The following ANAPC10 variants were observed in gnomAD, a reference collection of about 807,000 sequenced individuals.
ANAPC10 encodes the protein anaphase promoting complex subunit 10, also known as anaphase-promoting complex subunit 10.
ANAPC10 carries 12 observed loss-of-function variants against 22.0 expected under a neutral mutation model. The observed-to-expected ratio is 0.55, with a 90% CI of 0.35 to 0.88. The LOEUF (loss-of-function observed/expected upper bound fraction) is 0.88, where lower values mean the gene tolerates loss of function less well. Among genes scored for constraint, ANAPC10 ranks in the 40% least tolerant of loss-of-function variants. The pLI is 0.01. For missense variants in ANAPC10, 188 were observed against 220.9 expected (o/e 0.85, Z 0.94); for synonymous variants, 65 against 69.5 (o/e 0.94, Z 0.32).
chr4:145,090,425 T>G (rs1158338856), intron 2 of ANAPC10, among the ~76,000 whole-genome samples: 1 of 152,232 alleles, frequency 6.6e-6, no homozygotes, highest in African/African-American at 2.4e-5. Flanking sequence ...TTTTATGTCC[T>G]TAGTGAAATC....
chr4:145,096,115 T>C lies in ANAPC10; in HGVS notation c.-12-4A>G. The C allele has an allele frequency of 5.0e-6, 8 of 1,611,714 alleles. No homozygotes were observed. Among genetic ancestry groups the C allele is most frequent in the Non-Finnish European group, 6.8e-6 (8 of 1,179,448 alleles). On this transcript the variant is annotated splice_region_variant and splice_polypyrimidine_tract_variant and intron_variant, in intron 1 of 4. Transcript: ENST00000507656. ...GTGTAGTCATTTTTAAAATATTCTA[T>C]GTAGAAAACAAGAATGCACACATTG...
At chr4:145,031,412 A>G (rs1737561910) in intron 4 of ANAPC10, among the ~76,000 whole-genome samples, 1 of 152,166 alleles carries the variant, frequency 6.6e-6, no homozygotes, top group African/African-American at 2.4e-5. Flanking sequence ...TCTTGTTAAG[A>G]TATTCCTTCT....
At chr4:145,039,640 G>A (rs532937734) in intron 4 of ANAPC10, among the ~76,000 whole-genome samples, 31 of 152,042 alleles carry the variant, frequency 2.0e-4, no homozygotes, top group African/African-American at 7.0e-4. Flanking sequence ...CTGTCGCCTG[G>A]CTGGAGTGCA....
intron 4 of ANAPC10, among the ~76,000 whole-genome samples, chr4:145,055,298 C>T (rs1741884390): frequency 6.6e-6 from 1 of 152,172 alleles, no homozygotes; most frequent in African/African-American, 2.4e-5. Flanking sequence ...TAGCTCAGGC[C>T]TGTAATCCCA....
chr4:145,038,646 C>A (rs1311769106), intron 4 of ANAPC10, among the ~76,000 whole-genome samples: 1 of 151,768 alleles, frequency 6.6e-6, no homozygotes, highest in Non-Finnish European at 1.5e-5. Flanking sequence ...CATGATGCAA[C>A]CCTGTCTCTA....
intron 2 of ANAPC10, among the ~76,000 whole-genome samples, chr4:145,092,890 C>A (rs1043164457): frequency 2.0e-5 from 3 of 152,150 alleles, no homozygotes; most frequent in Non-Finnish European, 2.9e-5. Context: ...CTCTCTATAC[C>A]TGAGAGAGGG....
rs1417060205 is a variant in ANAPC10, at chr4:144,995,420, G to A, written c.511C>T (p.Pro171Ser). The change falls in exon 5 of 5, where the codon CCT becomes TCT. Residue 171 changes from proline to serine, a missense_variant. Transcript: ENST00000507656. Reference protein sequence around the residue: ...PVEESSIGKFPRCTTIDFMMY... With the variant: ...PVEESSIGKFSRCTTIDFMMY... The stretch of plus-strand genomic sequence containing the variant: ...ATGAAATCTATAGTTGTACATCTAG[G>A]AAATTTACCAATGGAGCTCTCTTCT... 4 of 1,613,324 alleles carry A rather than the reference G, an allele frequency of 2.5e-6. No individual in the cohort carries two copies. The highest frequency in any genetic ancestry group is 3.4e-6 in the Non-Finnish European group (4 of 1,179,656).
rs143866274 is a variant in ANAPC10, at chr4:145,048,742, C to T, written c.327+15830G>A. Among the ~76,000 whole-genome samples the T allele has an allele frequency of 4.1e-3, 616 of 150,180 alleles. 8 individuals are homozygous for T. The highest frequency in any genetic ancestry group is 0.014 in the African/African-American group (570 of 40,764). On this transcript the variant is annotated intron_variant, in intron 4 of 4. Transcript: ENST00000507656. Reference sequence around the variant, plus strand: ...AACATGTATGTTTTTCAAGCAGCCCCAATTTAAAAAAAAAAAGGAAATTCA... The same window carrying T: ...AACATGTATGTTTTTCAAGCAGCCCTAATTTAAAAAAAAAAAGGAAATTCA...
chr4:145,063,020 G>C (rs1352230631), intron 4 of ANAPC10, among the ~76,000 whole-genome samples: 1 of 152,070 alleles, frequency 6.6e-6, no homozygotes, highest in African/African-American at 2.4e-5. Flanking sequence ...ATGGAAGGAG[G>C]GATTGGGGAG....
At chr4:145,036,995 C>CGTGTGTGTGTGTGTGTGT (rs202100756) in intron 4 of ANAPC10, among the ~76,000 whole-genome samples, 18 of 131,240 alleles carry the variant, frequency 1.4e-4, no homozygotes, top group African/African-American at 4.1e-4. Flanking sequence ...AAATAGATAA[C>CGTGTGTGTGTGTGTGTGT]GTGTGTGTGT....
intron 3 of ANAPC10, among the ~76,000 whole-genome samples, chr4:145,065,990 C>CA (rs1743617419): frequency 6.6e-6 from 1 of 151,818 alleles, no homozygotes; most frequent in Non-Finnish European, 1.5e-5. Context: ...AAAAAAAAAT[C>CA]TAGGTGATTT....
intron 4 of ANAPC10, chr4:145,035,308 C>T (rs1738347375): frequency 6.6e-6 from 1 of 152,216 alleles, no homozygotes; most frequent in Non-Finnish European, 1.5e-5. Context: ...AGGAGGACCA[C>T]TCTTTGGTCA....
In ANAPC10 at chr4:145,086,239, T is replaced by C. The variant is rs145470839; in HGVS notation, c.116-4489A>G. On this transcript the variant is annotated intron_variant, in intron 2 of 4. Transcript: ENST00000507656. ...CAGTCTCCCAAAGTGCTTAGATTAC[T>C]GGCATGAGCCACCGTGTCCGGCCCT... 2.3e-3 allele frequency among the ~76,000 whole-genome samples: 350 copies of C among 152,264 alleles called. 3 individuals carry two copies. Among genetic ancestry groups the C allele is most frequent in the African/African-American group, 7.7e-3 (319 of 41,540 alleles).
Position 145,015,090 on chromosome 4 carries a change from T to C in ANAPC10, c.328-19487A>G, listed in dbSNP as rs189960074. Among the ~76,000 whole-genome samples the C allele has an allele frequency of 2.6e-5, 4 of 151,378 alleles. No individual in the cohort carries two copies. The East Asian group carries it at 7.8e-4, about 30-fold the overall frequency. On this transcript the variant is annotated intron_variant, in intron 4 of 4. Transcript: ENST00000507656. ...GCAGTGGATCCAAACCAAAAAGAAATCCCTGACTTACCTGAAAAAGAATTT... is the reference window on the plus strand; with the variant it reads ...GCAGTGGATCCAAACCAAAAAGAAACCCCTGACTTACCTGAAAAAGAATTT...
intron 4 of ANAPC10, among the ~76,000 whole-genome samples, chr4:145,055,209 T>C (rs1043663879): frequency 6.6e-6 from 1 of 151,990 alleles, no homozygotes; most frequent in Non-Finnish European, 1.5e-5. Flanking sequence ...GAGAGATGAA[T>C]AGATAAGCAA....
intron 4 of ANAPC10, among the ~76,000 whole-genome samples, chr4:144,998,880 A>G (rs2126838221): frequency 6.6e-6 from 1 of 152,308 alleles, no homozygotes; most frequent in African/African-American, 2.4e-5. Flanking sequence ...CAACACTAAT[A>G]AAGAAGAAAA....
chr4:145,080,832 G>C (rs1276291433), intron 3 of ANAPC10, among the ~76,000 whole-genome samples: 1 of 151,382 alleles, frequency 6.6e-6, no homozygotes, highest in South Asian at 2.1e-4. Context: ...GCTTGAACCT[G>C]GGAGGCGGAG....
chr4:145,057,127 A>G (rs1484049047), intron 4 of ANAPC10, among the ~76,000 whole-genome samples: 1 of 152,230 alleles, frequency 6.6e-6, no homozygotes, highest in Non-Finnish European at 1.5e-5. Context: ...AAACCAAACA[A>G]GAATCCTCCT....
At chr4:145,062,265 C>T (rs887775199) in intron 4 of ANAPC10, among the ~76,000 whole-genome samples, 5 of 152,028 alleles carry the variant, frequency 3.3e-5, no homozygotes, top group South Asian at 2.1e-4. Context: ...TAATTTACAA[C>T]AATTTTTCAA....
Sources: gnomAD v4.1 joint callset for allele counts (sites outside exome capture counted in the v4.1 genomes callset) on GRCh38, gnomAD v4.1.1 for gene constraint, MANE v1.5 for transcripts, NCBI Gene and HGNC (gene_info 2026-07-23, HGNC 2026-07-21) for gene names.